Variants in PALLD observed in about 807,000 individuals in gnomAD.
The protein encoded by PALLD is palladin.
PALLD carries 61 observed loss-of-function variants against 123.5 expected under a neutral mutation model. That is an observed-to-expected ratio of 0.49 (90% CI 0.40 to 0.61). The LOEUF is 0.61. Ranked by LOEUF, PALLD falls within the 20% of genes least tolerant of loss-of-function variation. The pLI is 0.00. For synonymous variants in PALLD, 465 were observed against 496.4 expected (o/e 0.94, Z 0.84); for missense variants, 1,273 against 1,377.0 (o/e 0.92, Z 1.20).
chr4:168,705,083 C>T (rs1291122631), intron 8 of PALLD, among the ~76,000 whole-genome samples: 1 of 146,232 alleles, frequency 6.8e-6, no homozygotes, highest in Non-Finnish European at 1.6e-5. Flanking sequence ...AACATTTTTG[C>T]TTGCAGGTGA....
At chr4:168,656,707 T>C (rs1191530788) in intron 2 of PALLD, among the ~76,000 whole-genome samples, 1 of 152,084 alleles carries the variant, frequency 6.6e-6, no homozygotes, top group Non-Finnish European at 1.5e-5. Context: ...CATATCCAGA[T>C]TGTGGGGGGA....
intron 10 of PALLD, among the ~76,000 whole-genome samples, chr4:168,811,697 A>G (rs1741135308): frequency 6.6e-6 from 1 of 152,096 alleles, no homozygotes; most frequent in Non-Finnish European, 1.5e-5. Flanking sequence ...AATCGCAATC[A>G]TACCACTGCA....
rs181433212 is a variant in PALLD at position 168,540,829 on chromosome 4, T to A, written c.908+28417T>A. Among the ~76,000 whole-genome samples the A allele has an allele frequency of 1.7e-3, 257 of 151,460 alleles. 1 individual carries two copies. Among genetic ancestry groups the A allele is most frequent in the African/African-American group, 6.0e-3 (247 of 41,396 alleles). ...AAGAAAAAAAAAAAAAAGCACTTGC[T>A]CCTGAGATGATAAAAAGCCATTTTT... On this transcript the variant is annotated intron_variant, in intron 2 of 21. Coordinates refer to ENST00000505667, the MANE Select transcript of PALLD (RefSeq NM_001166108.2).
intron 15 of PALLD, among the ~76,000 whole-genome samples, chr4:168,906,770 G>A (rs1007315909): frequency 2.6e-5 from 4 of 151,962 alleles, no homozygotes; most frequent in African/African-American, 7.3e-5. Context: ...AATTACAAGC[G>A]TGAGCCACTG....
intron 2 of PALLD, among the ~76,000 whole-genome samples, chr4:168,628,989 G>A (rs567122074): frequency 6.6e-6 from 1 of 150,458 alleles, no homozygotes; most frequent in Non-Finnish European, 1.5e-5. Flanking sequence ...GATGTAAGAC[G>A]AAGCCCAGTT....
intron 2 of PALLD, among the ~76,000 whole-genome samples, chr4:168,554,366 G>A (rs17541301): frequency 0.13 from 20,402 of 151,950 alleles, 1,798 homozygotes; most frequent in South Asian, 0.21. Context: ...TCTTCAGACC[G>A]CCAATGATTA....
At chr4:168,817,458 A>G (rs188484158) in intron 10 of PALLD, among the ~76,000 whole-genome samples, 153 of 152,328 alleles carry the variant, frequency 1.0e-3, no homozygotes, top group African/African-American at 3.4e-3. Flanking sequence ...TGTCCATTAG[A>G]TACAGTGTCT....
intron 10 of PALLD, among the ~76,000 whole-genome samples, chr4:168,890,322 C>T (rs1326073069): frequency 1.3e-5 from 2 of 152,094 alleles, no homozygotes; most frequent in East Asian, 3.9e-4. Context: ...CTCCCAGAGC[C>T]CTCTTGTATA....
At chr4:168,887,269 T>A (rs569405791) in intron 10 of PALLD, among the ~76,000 whole-genome samples, 1 of 152,320 alleles carries the variant, frequency 6.6e-6, no homozygotes, top group South Asian at 2.1e-4. Flanking sequence ...CCAGAGCAGT[T>A]GTTCTAAGTC....
intron 2 of PALLD, among the ~76,000 whole-genome samples, chr4:168,631,200 A>G (rs554987634): frequency 6.6e-6 from 1 of 152,364 alleles, no homozygotes; most frequent in Non-Finnish European, 1.5e-5. Context: ...GGTAACGCAG[A>G]TGGAGAGTAC....
chr4:168,900,968 T>C (rs1224358894), intron 14 of PALLD, among the ~76,000 whole-genome samples: 2 of 152,224 alleles, frequency 1.3e-5, no homozygotes, highest in African/African-American at 4.8e-5. Context: ...TTGATTCTTA[T>C]AGAATACTAC....
Position 168,878,340 on chromosome 4 carries a change from AGCC to A in PALLD, c.1965-12574_1965-12572del, listed in dbSNP as rs1291430290. The A allele has an allele frequency of 2.0e-5, 30 of 1,520,952 alleles. No homozygotes were observed. Among genetic ancestry groups the A allele is most frequent in the Non-Finnish European group, 2.5e-5 (29 of 1,140,962 alleles). 94.2% of individuals were successfully genotyped at this position (1,520,952 alleles called of 1,614,324 possible). ...TTCCTCAGCGCTCTGCTGCCCTCGC[AGCC>A]GCCGCCGGCGGCCGTCAACGCCCTG... On this transcript the variant is annotated intron_variant, in intron 10 of 21. Transcript: ENST00000505667.
At chr4:168,894,428 C>A in intron 11 of PALLD, 151 bp from the exon 12 acceptor site, 1 of 677,008 alleles carries the variant, frequency 1.5e-6, no homozygotes. Flanking sequence ...ACAACTGAAG[C>A]AAGAAAAAGA....
At chr4:168,568,195 G>T (rs1383461186) in intron 2 of PALLD, among the ~76,000 whole-genome samples, 1 of 151,890 alleles carries the variant, frequency 6.6e-6, no homozygotes, top group Non-Finnish European at 1.5e-5. Context: ...AAAATCATTA[G>T]GCTTTATCGA....
At chr4:168,670,736 T>A (rs1354214668) in intron 3 of PALLD, among the ~76,000 whole-genome samples, 2 of 83,736 alleles carry the variant, frequency 2.4e-5, no homozygotes, top group African/African-American at 7.1e-5. Flanking sequence ...CGAGACTCCG[T>A]CTCAAAAAAA....
intron 17 of PALLD, among the ~76,000 whole-genome samples, chr4:168,920,863 C>A (rs1761336129): frequency 6.6e-6 from 1 of 152,106 alleles, no homozygotes; most frequent in Non-Finnish European, 1.5e-5. Flanking sequence ...TATATAAATG[C>A]CAGCTGAGTA....
intron 10 of PALLD, among the ~76,000 whole-genome samples, chr4:168,801,482 G>A (rs1045807528): frequency 2.6e-5 from 4 of 152,162 alleles, no homozygotes; most frequent in Non-Finnish European, 5.9e-5. Context: ...GTTTCACCAC[G>A]TTAGCCAGGA....
At chr4:168,673,918 C>A (rs199582072) in intron 3 of PALLD, among the ~76,000 whole-genome samples, 1 of 115,294 alleles carries the variant, frequency 8.7e-6, no homozygotes, top group Admixed American at 8.9e-5. Flanking sequence ...GTGTGTGTGT[C>A]TGTGTGTGTA....
chr4:168,671,366 T>C (rs1780259943), intron 3 of PALLD, among the ~76,000 whole-genome samples: 1 of 152,232 alleles, frequency 6.6e-6, no homozygotes, highest in Non-Finnish European at 1.5e-5. Flanking sequence ...ATGGTACGTA[T>C]CTTTCATGTT....
Sources: gnomAD v4.1 joint callset for allele counts (sites outside exome capture counted in the v4.1 genomes callset) on GRCh38, gnomAD v4.1.1 for gene constraint, MANE v1.5 for transcripts, NCBI Gene and HGNC (gene_info 2026-07-23, HGNC 2026-07-21) for gene names.